Variants in MATK observed in about 807,000 individuals in gnomAD.
MATK encodes megakaryocyte-associated tyrosine kinase, also known as megakaryocyte-associated tyrosine-protein kinase.
A neutral mutation model predicts 59.8 loss-of-function variants in MATK; 41 were observed. The observed-to-expected ratio is 0.69, with a 90% CI of 0.53 to 0.89. MATK has a LOEUF of 0.89. Ranked by LOEUF, MATK falls within the 40% of genes least tolerant of loss-of-function variation. MATK has a pLI of 0.00. For synonymous variants in MATK, 308 were observed against 306.1 expected (o/e 1.01, Z -0.06); for missense variants, 593 against 719.6 (o/e 0.82, Z 2.01).
intron 10 of MATK, 30 bp from the exon 11 acceptor site, chr19:3,779,481 G>A (rs748629332): frequency 1.9e-5 from 31 of 1,612,282 alleles, no homozygotes; most frequent in Non-Finnish European, 2.5e-5. Context: ...GCCGCGGGAT[G>A]TTGGGGCTGC....
chr19:3,785,341 C>T, intron 1 of MATK, 55 bp from the exon 2 acceptor site: 3 of 1,200,382 alleles, frequency 2.5e-6, no homozygotes, highest in Non-Finnish European at 3.4e-6. Context: ...AGGTCATTCC[C>T]AAGAATCTCT....
chr19:3,784,284 G>T (rs2037446149), intron 4 of MATK, 45 bp from the exon 5 acceptor site: 6 of 1,595,176 alleles, frequency 3.8e-6, no homozygotes, highest in Non-Finnish European at 4.3e-6. Context: ...GTGTGGGGGT[G>T]GTCCTGGTGG....
At position 3,778,276 on chromosome 19, in the gene MATK, C is replaced by T. The variant is rs749754573; in HGVS notation, c.1431G>A (p.Lys477=). 1 of 1,574,250 alleles carries T rather than the reference C, an allele frequency of 6.4e-7. No individual in the cohort carries two copies. The highest frequency in any genetic ancestry group is 2.1e-5 in the Admixed American group (1 of 48,752). The change falls in exon 14 of 14, where the codon AAG becomes AAA. Residue 477 remains lysine, a synonymous_variant. Coordinates refer to ENST00000310132, the MANE Select transcript of MATK (RefSeq NM_139355.3). ...CTGCACTGCGTAGCTCCCGGGCCAG[C>T]TTCTCGGCCAGTTTGCGGAAGGGTG... The part of the protein sequence containing the change: ...RRPPFRKLAE[K]LARELRSAGA...
intron 1 of MATK, chr19:3,793,477 G>A (rs2037562755): frequency 1.3e-5 from 2 of 152,244 alleles, no homozygotes; most frequent in Non-Finnish European, 2.9e-5. Context: ...GCTGAGGAGG[G>A]TGGATCACGA....
chr19:3,795,044 C>G (rs2037581111), intron 1 of MATK, among the ~76,000 whole-genome samples: 1 of 124,590 alleles, frequency 8.0e-6, no homozygotes, highest in Non-Finnish European at 1.6e-5. Flanking sequence ...GTGGCGTGAT[C>G]TTGGCTCACT....
chr19:3,800,147 A>G (rs985169884), intron 1 of MATK, among the ~76,000 whole-genome samples: 26 of 151,888 alleles, frequency 1.7e-4, no homozygotes, highest in Non-Finnish European at 3.1e-4. Context: ...GTCTCAAAAA[A>G]AAAAAAAAGA....
intron 1 of MATK, among the ~76,000 whole-genome samples, chr19:3,800,118 G>T (rs2037629618): frequency 1.3e-5 from 2 of 150,608 alleles, no homozygotes; most frequent in South Asian, 4.2e-4. Flanking sequence ...CTCCAGCCTG[G>T]GCAACAGAGC....
At chr19:3,798,065 T>TAATA (rs2037611485) in intron 1 of MATK, among the ~76,000 whole-genome samples, 1 of 151,794 alleles carries the variant, frequency 6.6e-6, no homozygotes, top group Non-Finnish European at 1.5e-5. Flanking sequence ...TAAAAATAAA[T>TAATA]AATAAATAAA....
Position 3,779,799 on chromosome 19 carries a change from T to G in MATK, c.743-2A>C. 1 of 1,544,152 alleles carries G rather than the reference T, an allele frequency of 6.5e-7. No homozygotes were observed. Among genetic ancestry groups the G allele is most frequent in the Non-Finnish European group, 8.9e-7 (1 of 1,119,612 alleles). Reference sequence around the variant, plus strand: ...CCAGGTACTCACCCTGCAGGACAGCTGGGGGGTGGGGGTGGGGAACGGGGT... The same window carrying G: ...CCAGGTACTCACCCTGCAGGACAGCGGGGGGGTGGGGGTGGGGAACGGGGT... On this transcript the variant is annotated splice_acceptor_variant, in intron 8 of 13. Transcript: ENST00000310132. LOFTEE classifies it high-confidence loss of function.
At chr19:3,791,405 CG>C (rs1312265465), upstream of MATK, among the ~76,000 whole-genome samples, 2 of 150,946 alleles carry the variant, frequency 1.3e-5, no homozygotes, top group Non-Finnish European at 2.9e-5. Flanking sequence ...TCCAGTGGCA[CG>C]ATTTCGGCTC....
At chr19:3,796,558 C>T (rs2037596402) in intron 1 of MATK, among the ~76,000 whole-genome samples, 1 of 152,026 alleles carries the variant, frequency 6.6e-6, no homozygotes, top group South Asian at 2.1e-4. Flanking sequence ...TTTTTTATTT[C>T]CCTGGAGTTA....
At chr19:3,781,573 TC>T in intron 8 of MATK, 33 bp downstream of exon 8, 1 of 1,611,900 alleles carries the variant, frequency 6.2e-7, no homozygotes, top group Non-Finnish European at 8.5e-7. Flanking sequence ...CCTCCCATCT[TC>T]CTTCAGCACC....
chr19:3,786,226 G>T lies in MATK; in HGVS notation c.-209C>A, dbSNP rs2037482021. ...CGCCCGCCCCCAGGAGGGCCTCCGC[G>T]AGCCGGCTGCACACCCCGAGGCGGT... On this transcript the variant is annotated 5_prime_UTR_variant, in exon 1 of 14. Coordinates refer to ENST00000310132, the MANE Select transcript of MATK (RefSeq NM_139355.3). The surrounding 1 kb of genome is among the most constrained non-coding windows in gnomAD (Gnocchi z 4.1). 2.0e-6 allele frequency: 2 copies of T among 985,124 alleles called. No individual in the cohort carries two copies. The highest frequency in any genetic ancestry group is 2.4e-6 in the Non-Finnish European group (2 of 829,874). 61.0% of individuals were successfully genotyped at this position (985,124 alleles called of 1,614,324 possible).
Position 3,783,191 on chromosome 19 carries a change from C to G in MATK, c.611G>C (p.Cys204Ser). The G allele has an allele frequency of 6.2e-7, 1 of 1,613,758 alleles. No homozygotes were observed. The highest frequency in any genetic ancestry group is 1.1e-5 in the South Asian group (1 of 91,082). ...EHYSKDKGAICTKLVRPKRKH... is the reference protein window; with the variant it reads ...EHYSKDKGAISTKLVRPKRKH... ...CCGCTTTGGTCTCACCAGCTTGGTG[C>G]AGATAGCGCCCTTGTCCTTGCTGTA... The change falls in exon 7 of 14, where the codon TGC becomes TCC. Residue 204 changes from cysteine to serine, a missense_variant. Coordinates refer to ENST00000310132, the MANE Select transcript of MATK (RefSeq NM_139355.3).
At chr19:3,801,472 C>G (rs1394131644) in intron 1 of MATK, 4 of 152,488 alleles carry the variant, frequency 2.6e-5, no homozygotes, top group Admixed American at 2.6e-4. Flanking sequence ...TTTCCAGTCC[C>G]GCCTGCCGGA....
intron 1 of MATK, among the ~76,000 whole-genome samples, chr19:3,795,866 A>G (rs1414452655): frequency 7.2e-6 from 1 of 139,372 alleles, no homozygotes; most frequent in African/African-American, 2.7e-5. Flanking sequence ...GGTTCAAGCT[A>G]TTCTCCTGCC....
chr19:3,795,939 T>C (rs1433321091), intron 1 of MATK, among the ~76,000 whole-genome samples: 1 of 151,506 alleles, frequency 6.6e-6, no homozygotes. Context: ...TTTTTGTATT[T>C]TTAGTAGAGA....
At chr19:3,789,942 C>G (rs1040919731), upstream of MATK, among the ~76,000 whole-genome samples, 3 of 151,836 alleles carry the variant, frequency 2.0e-5, no homozygotes, top group African/African-American at 7.3e-5. Context: ...ACTCCTGTCA[C>G]GCAGGCTGGA....
Position 3,779,500 on chromosome 19 carries a change from GTGGGCCCCCTCCCCGCC to G in MATK, c.927+16_927+32del. ...CGGGATGTTGGGGCTGCTCCGCTGC[GTGGGCCCCCTCCCCGCC>G]TGGGCCCCGCCCCACCTTGCTCACG... is the stretch of plus-strand genomic sequence containing the variant. On this transcript the variant is annotated intron_variant, in intron 10 of 13. Transcript: ENST00000310132. 3 of 1,610,096 alleles carry G rather than the reference GTGGGCCCCCTCCCCGCC, an allele frequency of 1.9e-6. No individual in the cohort carries two copies. Among genetic ancestry groups the G allele is most frequent in the Non-Finnish European group, 2.5e-6 (3 of 1,178,786 alleles).
Sources: allele counts gnomAD v4.1 joint callset (sites outside exome capture counted in the v4.1 genomes callset), GRCh38; gene constraint gnomAD v4.1.1; non-coding constraint Gnocchi (gnomAD v3.1); transcripts MANE v1.5; gene names NCBI Gene and HGNC (gene_info 2026-07-23, HGNC 2026-07-21).